ENPP6: variants seen among roughly 807,000 people sequenced by gnomAD.
ENPP6 encodes ectonucleotide pyrophosphatase/phosphodiesterase 6, also known as glycerophosphocholine cholinephosphodiesterase ENPP6.
ENPP6 carries 32 observed loss-of-function variants against 42.0 expected under a neutral mutation model. That is an observed-to-expected ratio of 0.76 (90% CI 0.58 to 1.02). The LOEUF is 1.02. ENPP6 is among the 50% of genes least tolerant of loss of function. The probability of loss-of-function intolerance (pLI) is 0.00; values close to 1 mark genes in which losing one functional copy is unlikely to be tolerated. For synonymous variants in ENPP6, 213 were observed against 216.0 expected, an observed-to-expected ratio of 0.99 and a Z score of 0.12; for missense variants, 552 against 566.8, an observed-to-expected ratio of 0.97 and a Z score of 0.27.
At chr4:184,142,448 A>G (rs1415468627) in intron 2 of ENPP6, among the ~76,000 whole-genome samples, 3 of 152,220 alleles carry the variant, frequency 2.0e-5, no homozygotes, top group Non-Finnish European at 2.9e-5. Flanking sequence ...TCCTTGGGGG[A>G]AAGCATGGCC....
intron 6 of ENPP6, among the ~76,000 whole-genome samples, chr4:184,111,007 T>C (rs6552749): frequency 0.97 from 148,171 of 152,164 alleles, 72,228 homozygotes; most frequent in East Asian, 1. Flanking sequence ...ACCTGTCACA[T>C]CCTACTGCAG....
intron 5 of ENPP6, among the ~76,000 whole-genome samples, chr4:184,115,300 G>C (rs1203555603): frequency 2.0e-5 from 3 of 152,152 alleles, no homozygotes; most frequent in Non-Finnish European, 4.4e-5. Context: ...GCCCAGATCA[G>C]TTTCATCTGG....
At chr4:184,176,627 G>A (rs748194827) in intron 1 of ENPP6, among the ~76,000 whole-genome samples, 59 of 152,200 alleles carry the variant, frequency 3.9e-4, no homozygotes, top group Non-Finnish European at 5.9e-4. Flanking sequence ...CGGGGCCACC[G>A]AGCTACGTTG....
Position 184,217,856 on chromosome 4 carries a change from T to C in ENPP6, c.-37A>G, listed in dbSNP as rs1289169138. The stretch of plus-strand genomic sequence containing the variant: ...CCTGCCAGAGCCCGGCTGGCACAGC[T>C]GTCGCCTTGCAAAGACTGAGGATGG... On this transcript the variant is annotated 5_prime_UTR_variant, in exon 1 of 8. Transcript: ENST00000296741. 1.2e-6 allele frequency: 2 copies of C among 1,602,544 alleles called. No individual in the cohort carries two copies. Among genetic ancestry groups the C allele is most frequent in the Non-Finnish European group, 1.7e-6 (2 of 1,175,078 alleles).
rs571119159 is a variant in ENPP6, at chr4:184,143,945, C to CT, written c.421+9608_421+9609insA. Among the ~76,000 whole-genome samples, 275 of 152,336 alleles carry CT rather than the reference C, an allele frequency of 1.8e-3. 4 individuals carry two copies. In the South Asian group the frequency reaches 0.047, roughly 26 times the overall value. On this transcript the variant is annotated intron_variant, in intron 2 of 7. Coordinates refer to ENST00000296741, the MANE Select transcript of ENPP6 (RefSeq NM_153343.4). ...CTGCACACCAAGGGCTCAGGTGAGG[C>CT]AAAAGTGCCACCTCTCTGTCCCACC...
At chr4:184,144,096 G>C (rs1325462317) in intron 2 of ENPP6, among the ~76,000 whole-genome samples, 2 of 152,216 alleles carry the variant, frequency 1.3e-5, no homozygotes, top group Non-Finnish European at 2.9e-5. Context: ...GCTCTAGGAG[G>C]GGTTTGGTGC....
At chr4:184,135,686 G>A (rs182418434) in intron 2 of ENPP6, among the ~76,000 whole-genome samples, 1,546 of 87,798 alleles carry the variant, frequency 0.018, 22 homozygotes, top group South Asian at 0.07. Flanking sequence ...GTGCAAAAAA[G>A]TGAATAATTC....
intron 1 of ENPP6, among the ~76,000 whole-genome samples, chr4:184,166,201 A>G (rs755864864): frequency 1.4e-4 from 21 of 152,222 alleles, no homozygotes; most frequent in Non-Finnish European, 2.6e-4. Context: ...GCACATCTTT[A>G]AAAGCAACTC....
chr4:184,093,235 A>G (rs898340871), intron 7 of ENPP6, among the ~76,000 whole-genome samples: 2 of 152,154 alleles, frequency 1.3e-5, no homozygotes, highest in Admixed American at 1.3e-4. Flanking sequence ...ACAAGGACAA[A>G]TTGTGGTTTG....
chr4:184,147,480 C>A (rs1449644295), intron 2 of ENPP6, among the ~76,000 whole-genome samples: 2 of 152,142 alleles, frequency 1.3e-5, no homozygotes, highest in African/African-American at 4.8e-5. Context: ...ATTCATTTCA[C>A]GATCAGAATA....
At chr4:184,145,873 A>G (rs1347415924) in intron 2 of ENPP6, among the ~76,000 whole-genome samples, 1 of 152,256 alleles carries the variant, frequency 6.6e-6, no homozygotes, top group African/African-American at 2.4e-5. Flanking sequence ...CTGCCCAAGA[A>G]TAAATGGAGT....
rs549155703 is a variant in ENPP6 at position 184,090,417 on chromosome 4, C to G, written c.*760G>C. 1 of 152,256 alleles carries G rather than the reference C, an allele frequency of 6.6e-6. No homozygotes were observed. The highest frequency in any genetic ancestry group is 1.5e-5 in the Non-Finnish European group (1 of 68,058). 9.4% of individuals were successfully genotyped at this position (152,256 alleles called of 1,614,324 possible). ...CTGCTATGTGCCGGGCTTCATGCCA[C>G]GATACACTATGTGTGATAAGTCTCA... On this transcript the variant is annotated 3_prime_UTR_variant, in exon 8 of 8. Coordinates refer to ENST00000296741, the MANE Select transcript of ENPP6 (RefSeq NM_153343.4).
chr4:184,196,852 C>T (rs995733857), intron 1 of ENPP6, among the ~76,000 whole-genome samples: 1 of 152,178 alleles, frequency 6.6e-6, no homozygotes, highest in African/African-American at 2.4e-5. Flanking sequence ...GCTGCAAGAA[C>T]CCTGATGGTC....
intron 6 of ENPP6, among the ~76,000 whole-genome samples, chr4:184,106,127 C>G (rs926629635): frequency 1.3e-5 from 2 of 151,964 alleles, no homozygotes; most frequent in African/African-American, 4.8e-5. Context: ...TGCCACCTCC[C>G]AGGTTCAAGT....
At chr4:184,165,339 T>C (rs907239332) in intron 1 of ENPP6, among the ~76,000 whole-genome samples, 4 of 152,190 alleles carry the variant, frequency 2.6e-5, no homozygotes, top group African/African-American at 9.7e-5. Context: ...AGATTCAAAG[T>C]GGCTGAGTGA....
intron 5 of ENPP6, among the ~76,000 whole-genome samples, chr4:184,113,956 T>TTTCTTTCTTTCC: frequency 6.8e-6 from 1 of 147,236 alleles, no homozygotes; most frequent in South Asian, 2.1e-4. Context: ...TCTTTCTTTC[T>TTTCTTTCTTTCC]TTCTTTCTCT....
intron 1 of ENPP6, among the ~76,000 whole-genome samples, chr4:184,209,600 C>G (rs1367073804): frequency 6.6e-6 from 1 of 151,382 alleles, no homozygotes; most frequent in South Asian, 2.1e-4. Flanking sequence ...AAGACCAAAT[C>G]TACATCTGAT....
chr4:184,167,259 G>T (rs1438078380), intron 1 of ENPP6, among the ~76,000 whole-genome samples: 1 of 152,172 alleles, frequency 6.6e-6, no homozygotes, highest in African/African-American at 2.4e-5. Flanking sequence ...GAGATTACAG[G>T]CATCCACCAC....
intron 3 of ENPP6, among the ~76,000 whole-genome samples, chr4:184,120,933 C>T (rs1468548996): frequency 1.3e-5 from 2 of 152,170 alleles, no homozygotes; most frequent in Non-Finnish European, 2.9e-5. Context: ...GGCACCGTGT[C>T]CCCAAGGCAG....
Sources: allele counts gnomAD v4.1 joint callset (sites outside exome capture counted in the v4.1 genomes callset), GRCh38; gene constraint gnomAD v4.1.1; transcripts MANE v1.5; gene names NCBI Gene and HGNC (gene_info 2026-07-23, HGNC 2026-07-21).